Variants in DISC1 observed in about 807,000 individuals in gnomAD.
The protein encoded by DISC1 is DISC1 scaffold protein, also known as disrupted in schizophrenia 1 protein.
A neutral mutation model predicts 84.5 loss-of-function variants in DISC1; 57 were observed. That is an observed-to-expected ratio of 0.67 (90% CI 0.55 to 0.84). The LOEUF is 0.84. DISC1 is among the 40% of genes least tolerant of loss of function. The probability of loss-of-function intolerance (pLI) is 0.00; values close to 1 mark genes in which losing one functional copy is unlikely to be tolerated. For missense variants in DISC1, 1,000 were observed against 1,057.8 expected (o/e 0.95, Z 0.76); for synonymous variants, 411 against 415.2 (o/e 0.99, Z 0.12).
intron 11 of DISC1, among the ~76,000 whole-genome samples, chr1:232,020,273 C>T (rs140160317): frequency 0.031 from 4,679 of 151,988 alleles, 148 homozygotes; most frequent in East Asian, 0.16. Flanking sequence ...ACCCAGGAGG[C>T]AGAGGTCGCA....
intron 12 of DISC1, among the ~76,000 whole-genome samples, chr1:232,028,626 T>A (rs114846358): frequency 0.011 from 1,639 of 152,270 alleles, 22 homozygotes; most frequent in Non-Finnish European, 0.015. Context: ...AAGGTTTTTA[T>A]GGGGGTTAAA....
At chr1:232,023,096 A>G (rs925192429) in intron 11 of DISC1, among the ~76,000 whole-genome samples, 2 of 88,466 alleles carry the variant, frequency 2.3e-5, no homozygotes, top group Admixed American at 1.3e-4. Context: ...AGGGTTTTTG[A>G]TAACTTTTTT....
intron 9 of DISC1, among the ~76,000 whole-genome samples, chr1:231,863,575 G>T (rs2084837532): frequency 6.6e-6 from 1 of 152,094 alleles, no homozygotes; most frequent in African/African-American, 2.4e-5. Flanking sequence ...TTGAATTCAG[G>T]TAGATTCGAA....
chr1:231,926,630 G>A (rs1252178706), intron 9 of DISC1, among the ~76,000 whole-genome samples: 1 of 152,142 alleles, frequency 6.6e-6, no homozygotes, highest in African/African-American at 2.4e-5. Context: ...CATTTTCAGT[G>A]GCTACTTTGA....
intron 11 of DISC1, among the ~76,000 whole-genome samples, chr1:232,015,124 G>A (rs1189787366): frequency 6.6e-6 from 1 of 152,178 alleles, no homozygotes; most frequent in African/African-American, 2.4e-5. Context: ...CTTCTGTTCA[G>A]TGAGCTGGCT....
intron 11 of DISC1, among the ~76,000 whole-genome samples, chr1:232,025,581 A>C (rs188536459): frequency 1.7e-4 from 25 of 150,812 alleles, no homozygotes; most frequent in Non-Finnish European, 7.4e-5. Flanking sequence ...CAGCAAAAAG[A>C]CATCATCATC....
intron 6 of DISC1, chr1:231,771,398 A>G (rs550081673): frequency 1.0e-6 from 1 of 985,376 alleles, no homozygotes; most frequent in African/African-American, 1.7e-5. Flanking sequence ...AGAGATCCTA[A>G]TGCCAACTTT....
chr1:231,936,778 C>T (rs2091006023), intron 9 of DISC1, among the ~76,000 whole-genome samples: 1 of 152,158 alleles, frequency 6.6e-6, no homozygotes, highest in Non-Finnish European at 1.5e-5. Flanking sequence ...GAGTTTTATC[C>T]ATCTTATTTT....
rs563624488 is a variant in DISC1 at position 231,833,064 on chromosome 1, G to A, written c.1981+14547G>A. On this transcript the variant is annotated intron_variant, in intron 9 of 12. Coordinates refer to ENST00000439617, the MANE Select transcript of DISC1 (RefSeq NM_018662.3). ...TTATACTTGTGGGTTAAGGTGGGGGGATACAAGAGGAGGACGCAAAGGAGG... is the reference window on the plus strand; with the variant it reads ...TTATACTTGTGGGTTAAGGTGGGGGAATACAAGAGGAGGACGCAAAGGAGG... Among the ~76,000 whole-genome samples the A allele has an allele frequency of 1.4e-3, 209 of 145,962 alleles. 4 individuals are homozygous for A. Among genetic ancestry groups the A allele is most frequent in the African/African-American group, 5.3e-3 (202 of 38,452 alleles).
intron 9 of DISC1, among the ~76,000 whole-genome samples, chr1:231,825,480 T>A (rs2081797963): frequency 6.6e-6 from 1 of 152,220 alleles, no homozygotes; most frequent in Admixed American, 6.5e-5. Flanking sequence ...TAGACACATG[T>A]ACTCACACAC....
intron 3 of DISC1, among the ~76,000 whole-genome samples, chr1:231,703,759 C>T (rs2066699066): frequency 6.6e-6 from 1 of 152,236 alleles, no homozygotes; most frequent in South Asian, 2.1e-4. Flanking sequence ...AGAATACAGG[C>T]ATCTTCTTTA....
intron 9 of DISC1, among the ~76,000 whole-genome samples, chr1:231,933,291 C>T (rs1310434447): frequency 1.3e-5 from 2 of 152,138 alleles, no homozygotes; most frequent in African/African-American, 4.8e-5. Flanking sequence ...TTAACTTCAG[C>T]TAGCCTTGCT....
chr1:231,660,572 G>A (rs902898748), intron 1 of DISC1, among the ~76,000 whole-genome samples: 6 of 152,104 alleles, frequency 3.9e-5, no homozygotes, highest in African/African-American at 7.2e-5. Context: ...TGCCTCCCGG[G>A]TGAAGCGATT....
intron 1 of DISC1, among the ~76,000 whole-genome samples, chr1:231,655,684 C>T (rs1357187000): frequency 2.0e-5 from 3 of 152,068 alleles, no homozygotes; most frequent in Non-Finnish European, 4.4e-5. Flanking sequence ...TACTGTTTTC[C>T]ATAGAGGTTA....
At chr1:231,723,611 G>A in intron 3 of DISC1, 1 of 985,422 alleles carries the variant, frequency 1.0e-6, no homozygotes, top group Non-Finnish European at 1.2e-6. Flanking sequence ...GTCCTATTCT[G>A]TCTTATAACA....
intron 3 of DISC1, among the ~76,000 whole-genome samples, chr1:231,740,870 G>T (rs2073173265): frequency 6.6e-6 from 1 of 152,154 alleles, no homozygotes; most frequent in South Asian, 2.1e-4. Context: ...GGTCAGATGT[G>T]CAGTTTTCTA....
At chr1:231,700,893 C>G (rs2124880060) in intron 2 of DISC1, among the ~76,000 whole-genome samples, 1 of 152,212 alleles carries the variant, frequency 6.6e-6, no homozygotes, top group Non-Finnish European at 1.5e-5. Flanking sequence ...GTGAGCCAGG[C>G]AAAGAATGGG....
intron 9 of DISC1, among the ~76,000 whole-genome samples, chr1:231,902,024 T>A (rs2088220224): frequency 6.6e-6 from 1 of 151,820 alleles, no homozygotes; most frequent in Non-Finnish European, 1.5e-5. Flanking sequence ...ATTATATTTA[T>A]CATATACATA....
chr1:231,946,789 A>C (rs973904278), intron 9 of DISC1, among the ~76,000 whole-genome samples: 4 of 152,220 alleles, frequency 2.6e-5, no homozygotes, highest in African/African-American at 9.6e-5. Context: ...TGCAAAAATC[A>C]CAAGCATTCC....
Sources: gnomAD v4.1 joint callset for allele counts (sites outside exome capture counted in the v4.1 genomes callset) on GRCh38, gnomAD v4.1.1 for gene constraint, MANE v1.5 for transcripts, NCBI Gene and HGNC (gene_info 2026-07-23, HGNC 2026-07-21) for gene names.